Variants in CTNNA3 observed in about 807,000 individuals in gnomAD.
The protein encoded by CTNNA3 is catenin alpha 3.
In CTNNA3, 76 loss-of-function variants were observed where a neutral mutation model predicts 95.7. That is an observed-to-expected ratio of 0.79 (90% CI 0.66 to 0.96). The LOEUF is 0.96. Among genes scored for constraint, CTNNA3 ranks in the 40% least tolerant of loss-of-function variants. CTNNA3 has a pLI of 0.00. For missense variants in CTNNA3, 1,191 were observed against 1,089.8 expected (o/e 1.09, Z -1.31); for synonymous variants, 431 against 374.4 (o/e 1.15, Z -1.74).
chr10:66,417,622 T>C (rs773476446), intron 11 of CTNNA3, among the ~76,000 whole-genome samples: 3 of 151,978 alleles, frequency 2.0e-5, no homozygotes, highest in East Asian at 1.9e-4. Context: ...AGACCATCTA[T>C]TGAGCCACAA....
chr10:66,044,738 C>T (rs577268652), intron 15 of CTNNA3, among the ~76,000 whole-genome samples: 3 of 152,286 alleles, frequency 2.0e-5, no homozygotes, highest in African/African-American at 4.8e-5. Flanking sequence ...CAGCTCTGCG[C>T]TATGGTTTTT....
intron 13 of CTNNA3, among the ~76,000 whole-genome samples, chr10:66,133,861 T>C (rs1004737647): frequency 6.6e-6 from 1 of 150,684 alleles, no homozygotes; most frequent in Non-Finnish European, 1.5e-5. Flanking sequence ...ACATACTCTA[T>C]AGCAGAATAA....
intron 3 of CTNNA3, among the ~76,000 whole-genome samples, chr10:67,584,646 G>C (rs1340226032): frequency 1.3e-5 from 2 of 152,214 alleles, no homozygotes; most frequent in African/African-American, 4.8e-5. Context: ...CTTTTGTTCA[G>C]CTATGCCCTG....
chr10:67,142,173 AG>A (rs1860598937), intron 7 of CTNNA3, among the ~76,000 whole-genome samples: 1 of 152,162 alleles, frequency 6.6e-6, no homozygotes, highest in African/African-American at 2.4e-5. Context: ...GGCAGGTGAG[AG>A]GAAAAAAAAG....
intron 13 of CTNNA3, among the ~76,000 whole-genome samples, chr10:66,155,812 A>G (rs2084471346): frequency 6.6e-6 from 1 of 151,932 alleles, no homozygotes; most frequent in African/African-American, 2.4e-5. Flanking sequence ...GATACATTGA[A>G]CTATATAAAA....
At chr10:66,323,590 T>G (rs1223969547) in intron 12 of CTNNA3, among the ~76,000 whole-genome samples, 1 of 150,236 alleles carries the variant, frequency 6.7e-6, no homozygotes, top group African/African-American at 2.4e-5. Context: ...AGGCGGAGGT[T>G]GCAGTGAGCC....
intron 13 of CTNNA3, among the ~76,000 whole-genome samples, chr10:66,266,658 C>G (rs999848447): frequency 6.6e-6 from 1 of 151,970 alleles, no homozygotes; most frequent in Non-Finnish European, 1.5e-5. Context: ...AGTGAACATG[C>G]CTGACTACCA....
At chr10:66,680,379 T>G (rs1331284594) in intron 9 of CTNNA3, among the ~76,000 whole-genome samples, 1 of 152,034 alleles carries the variant, frequency 6.6e-6, no homozygotes, top group Non-Finnish European at 1.5e-5. Flanking sequence ...AAAATAATAC[T>G]TACACAATTA....
At chr10:66,465,378 T>C (rs1374777568) in intron 11 of CTNNA3, among the ~76,000 whole-genome samples, 1 of 152,110 alleles carries the variant, frequency 6.6e-6, no homozygotes, top group Non-Finnish European at 1.5e-5. Context: ...AGGATCACTT[T>C]TGATGTGACA....
intron 15 of CTNNA3, among the ~76,000 whole-genome samples, chr10:66,013,016 T>A (rs553514667): frequency 1.2e-3 from 185 of 152,268 alleles, no homozygotes; most frequent in African/African-American, 4.4e-3. Flanking sequence ...TTCTCCTTCC[T>A]CAGCCTCCCT....
chr10:66,690,482 C>G (rs575808107), intron 9 of CTNNA3, among the ~76,000 whole-genome samples: 89 of 151,134 alleles, frequency 5.9e-4, no homozygotes, highest in African/African-American at 2.1e-3. Context: ...CCCGTCCCCC[C>G]ACCCCACAAC....
chr10:67,214,912 T>C (rs1864288295), intron 6 of CTNNA3, among the ~76,000 whole-genome samples: 2 of 152,026 alleles, frequency 1.3e-5, no homozygotes, highest in Non-Finnish European at 1.5e-5. Flanking sequence ...CGTGTAAATA[T>C]AGGTTTCTTT....
intron 13 of CTNNA3, among the ~76,000 whole-genome samples, chr10:66,231,937 A>G (rs919623399): frequency 3.3e-5 from 5 of 152,182 alleles, no homozygotes; most frequent in Non-Finnish European, 7.4e-5. Flanking sequence ...AACTATCTCA[A>G]TGCTATACTG....
intron 7 of CTNNA3, among the ~76,000 whole-genome samples, chr10:66,934,048 G>A (rs1358055425): frequency 1.3e-5 from 2 of 152,014 alleles, no homozygotes; most frequent in East Asian, 3.9e-4. Flanking sequence ...CTGAACACGT[G>A]AGGAAAATTC....
At chr10:67,731,435 C>T (rs755494065) in intron 1 of CTNNA3, among the ~76,000 whole-genome samples, 2 of 151,660 alleles carry the variant, frequency 1.3e-5, no homozygotes, top group Non-Finnish European at 2.9e-5. Flanking sequence ...GAGCCGAGAT[C>T]GCACCACTGC....
intron 12 of CTNNA3, among the ~76,000 whole-genome samples, chr10:66,328,848 C>A (rs10762059): frequency 0.71 from 101,524 of 143,896 alleles, 36,421 homozygotes; most frequent in Non-Finnish European, 0.77. Context: ...GACATTCCAG[C>A]TCAAGCAGTG....
rs780154031 is a variant in CTNNA3 at position 66,359,993 on chromosome 10, A to AT, written c.1732+19158dup. Among the ~76,000 whole-genome samples, 478 of 150,578 alleles carry AT rather than the reference A, an allele frequency of 3.2e-3. 10 individuals carry two copies. The highest frequency in any genetic ancestry group is 3.5e-3 in the East Asian group (18 of 5,092). On this transcript the variant is annotated intron_variant, in intron 12 of 17. Transcript: ENST00000433211. ...AGGTGCATGCCACCACACCTGGCTA[A>AT]TTTTTTTTTGTTTTTAGTAGAGACG...
intron 13 of CTNNA3, among the ~76,000 whole-genome samples, chr10:66,197,045 T>C (rs1205406086): frequency 6.6e-6 from 1 of 152,196 alleles, no homozygotes; most frequent in African/African-American, 2.4e-5. Context: ...AGCATGCTGC[T>C]ACCCAGCTCT....
chr10:67,158,979 AAAC>A (rs754785741), intron 7 of CTNNA3, among the ~76,000 whole-genome samples: 4 of 152,264 alleles, frequency 2.6e-5, no homozygotes, highest in South Asian at 4.1e-4. Context: ...TTTTTAAAAA[AAAC>A]AACAAGGAAG....
Sources: gnomAD v4.1 joint callset for allele counts (sites outside exome capture counted in the v4.1 genomes callset) on GRCh38, gnomAD v4.1.1 for gene constraint, MANE v1.5 for transcripts, NCBI Gene and HGNC (gene_info 2026-07-23, HGNC 2026-07-21) for gene names.